The following NALF1 variants were observed in gnomAD, a reference collection of about 807,000 sequenced individuals.
NALF1 encodes NALCN channel auxiliary factor 1.
NALF1 carries 3 observed loss-of-function variants against 48.4 expected under a neutral mutation model. That is an observed-to-expected ratio of 0.06 (90% CI 0.03 to 0.16). The LOEUF (loss-of-function observed/expected upper bound fraction) is 0.16. Ranked by LOEUF, NALF1 falls within the 10% of genes least tolerant of loss-of-function variation. NALF1 has a pLI of 1.00. For synonymous variants in NALF1, 262 were observed against 245.7 expected (o/e 1.07, Z -0.62); for missense variants, 526 against 571.5 (o/e 0.92, Z 0.81).
chr13:107,536,293 C>T (rs1037120529), intron 1 of NALF1, among the ~76,000 whole-genome samples: 4 of 148,648 alleles, frequency 2.7e-5, no homozygotes, highest in African/African-American at 1.0e-4. Context: ...AACAGGCAAC[C>T]TACAAAATGG....
At chr13:107,373,559 G>A (rs1232321715) in intron 1 of NALF1, among the ~76,000 whole-genome samples, 2 of 152,082 alleles carry the variant, frequency 1.3e-5, no homozygotes, top group Non-Finnish European at 2.9e-5. Context: ...CACAGCCAAT[G>A]GGTCCAGCTG....
chr13:107,393,316 A>G (rs1883657955), intron 1 of NALF1, among the ~76,000 whole-genome samples: 1 of 152,080 alleles, frequency 6.6e-6, no homozygotes, highest in South Asian at 2.1e-4. Flanking sequence ...TGTCAAGAAG[A>G]AGGAGGAGAA....
At chr13:107,819,403 T>G (rs1184866254) in intron 1 of NALF1, among the ~76,000 whole-genome samples, 4 of 152,200 alleles carry the variant, frequency 2.6e-5, no homozygotes, top group African/African-American at 9.6e-5. Context: ...TTCTGGCAAC[T>G]GTGTCATCTT....
chr13:107,795,508 G>C (rs183208479), intron 1 of NALF1, among the ~76,000 whole-genome samples: 14 of 152,100 alleles, frequency 9.2e-5, no homozygotes, highest in African/African-American at 2.9e-4. Context: ...TAACAAGTTA[G>C]GTCCAAATTG....
At chr13:107,274,943 T>A (rs1881249952) in intron 1 of NALF1, among the ~76,000 whole-genome samples, 1 of 152,174 alleles carries the variant, frequency 6.6e-6, no homozygotes, top group African/African-American at 2.4e-5. Flanking sequence ...GGCACAATAC[T>A]ACTTCATGAC....
At chr13:107,250,570 A>AT (rs1880677930) in intron 1 of NALF1, among the ~76,000 whole-genome samples, 1 of 152,178 alleles carries the variant, frequency 6.6e-6, no homozygotes, top group Non-Finnish European at 1.5e-5. Context: ...TTTTATTTTC[A>AT]TTAACTTCTT....
intron 1 of NALF1, among the ~76,000 whole-genome samples, chr13:107,483,771 T>G (rs918402255): frequency 6.7e-6 from 1 of 149,208 alleles, no homozygotes; most frequent in Non-Finnish European, 1.5e-5. Context: ...GCATTAAAAC[T>G]AGTATTCAAA....
chr13:107,483,058 A>T (rs1315224066), intron 1 of NALF1, among the ~76,000 whole-genome samples: 1 of 152,208 alleles, frequency 6.6e-6, no homozygotes, highest in East Asian at 1.9e-4. Context: ...GGATTATCTG[A>T]TTGATGTCTA....
intron 1 of NALF1, among the ~76,000 whole-genome samples, chr13:107,406,729 T>G (rs1017797320): frequency 6.6e-6 from 1 of 151,728 alleles, no homozygotes; most frequent in African/African-American, 2.4e-5. Context: ...TGATAGAGAT[T>G]AATAGAATGC....
intron 1 of NALF1, among the ~76,000 whole-genome samples, chr13:107,646,578 T>C (rs551297757): frequency 3.3e-4 from 51 of 152,276 alleles, no homozygotes; most frequent in Non-Finnish European, 5.9e-4. Context: ...TATTTCCTTA[T>C]TCTTAATTAC....
intron 1 of NALF1, among the ~76,000 whole-genome samples, chr13:107,659,821 T>C (rs540923725): frequency 6.6e-6 from 1 of 152,090 alleles, no homozygotes; most frequent in East Asian, 1.9e-4. Flanking sequence ...ATTTTCTTTT[T>C]TTTTTTTGAG....
At chr13:107,570,820 A>G (rs1299373115) in intron 1 of NALF1, among the ~76,000 whole-genome samples, 1 of 152,052 alleles carries the variant, frequency 6.6e-6, no homozygotes. Context: ...TTGTACATAT[A>G]TTTATTTTAA....
At chr13:107,433,607 A>G (rs1884417915) in intron 1 of NALF1, among the ~76,000 whole-genome samples, 2 of 152,226 alleles carry the variant, frequency 1.3e-5, no homozygotes, top group Middle Eastern at 3.4e-3. Context: ...GAAAGATAAT[A>G]TATGTGCAAT....
intron 1 of NALF1, among the ~76,000 whole-genome samples, chr13:107,374,378 G>A (rs1178331546): frequency 2.0e-5 from 3 of 152,056 alleles, no homozygotes; most frequent in Non-Finnish European, 2.9e-5. Flanking sequence ...CCTTTTTATT[G>A]GGTTAACTTC....
At chr13:107,260,104 T>C (rs1880901332) in intron 1 of NALF1, among the ~76,000 whole-genome samples, 1 of 152,210 alleles carries the variant, frequency 6.6e-6, no homozygotes, top group Admixed American at 6.5e-5. Flanking sequence ...CTGCATCATA[T>C]ACATAAGCTA....
intron 1 of NALF1, chr13:107,466,743 AAAAGAAATTAGGCTAATCTGG>A (rs1390198869): frequency 6.6e-6 from 1 of 152,216 alleles, no homozygotes; most frequent in Non-Finnish European, 1.5e-5. Context: ...TCTTGAAATA[AAAAGAAATTAGGCTAATCTGG>A]AAAGGAGATC....
At chr13:107,478,237 G>A (rs1296259813) in intron 1 of NALF1, among the ~76,000 whole-genome samples, 2 of 152,138 alleles carry the variant, frequency 1.3e-5, no homozygotes, top group African/African-American at 4.8e-5. Context: ...CATAAGAAAT[G>A]TGCATTTTTG....
chr13:107,562,974 T>C (rs777042332), intron 1 of NALF1, among the ~76,000 whole-genome samples: 16 of 152,134 alleles, frequency 1.1e-4, no homozygotes, highest in African/African-American at 3.9e-4. Flanking sequence ...CTTACATGAG[T>C]AGGCTTTTTG....
At chr13:107,597,194 C>A (rs1878778067) in intron 1 of NALF1, among the ~76,000 whole-genome samples, 1 of 152,128 alleles carries the variant, frequency 6.6e-6, no homozygotes, top group Admixed American at 6.5e-5. Context: ...TTGAAGAAGT[C>A]TATGTTATCA....
Sources: gnomAD v4.1 joint callset for allele counts (sites outside exome capture counted in the v4.1 genomes callset) on GRCh38, gnomAD v4.1.1 for gene constraint, MANE v1.5 for transcripts, NCBI Gene and HGNC (gene_info 2026-07-23, HGNC 2026-07-21) for gene names.